PYGO1: variants seen among roughly 807,000 people sequenced by gnomAD.
PYGO1 encodes the protein pygopus family PHD finger 1.
PYGO1 carries 6 observed loss-of-function variants against 29.5 expected under a neutral mutation model. That is an observed-to-expected ratio of 0.20 (90% CI 0.11 to 0.40). The LOEUF is 0.40. Among genes scored for constraint, PYGO1 ranks in the 10% least tolerant of loss-of-function variants. The pLI, the probability that PYGO1 is intolerant of heterozygous loss-of-function variation, is 1.00. For missense variants in PYGO1, 515 were observed against 514.9 expected (o/e 1.00, Z 0.00); for synonymous variants, 186 against 180.5 (o/e 1.03, Z -0.24).
Position 55,540,467 on chromosome 15 carries a change from TG to T in PYGO1, c.*5555del, listed in dbSNP as rs2058824196. 1 of 152,030 alleles carries T rather than the reference TG, an allele frequency of 6.6e-6. No individual in the cohort carries two copies. Among genetic ancestry groups the T allele is most frequent in the Non-Finnish European group, 1.5e-5 (1 of 67,936 alleles). 9.4% of individuals were successfully genotyped at this position (152,030 alleles called of 1,614,324 possible). A position where few individuals can be genotyped will look rare whatever the true frequency, so the allele number is the denominator to read the frequency against. ...TTATTTAGTAAAGTATACCTGTAAG[TG>T]GAAAATAAAAATTTTAAGATTTATT... On this transcript the variant is annotated 3_prime_UTR_variant, in exon 3 of 3. Transcript: ENST00000563719.
chr15:55,560,271 T>C (rs2058927424), intron 1 of PYGO1, among the ~76,000 whole-genome samples: 1 of 152,096 alleles, frequency 6.6e-6, no homozygotes, highest in Non-Finnish European at 1.5e-5. Context: ...ACATGATATA[T>C]CTAGAAAACC....
At chr15:55,558,321 A>G (rs932250083) in intron 1 of PYGO1, among the ~76,000 whole-genome samples, 2 of 148,366 alleles carry the variant, frequency 1.3e-5, no homozygotes, top group African/African-American at 5.0e-5. Context: ...CAAGAACTAC[A>G]AACCACTGCT....
intron 1 of PYGO1, among the ~76,000 whole-genome samples, chr15:55,560,817 C>T (rs2058929688): frequency 6.6e-6 from 1 of 152,042 alleles, no homozygotes; most frequent in African/African-American, 2.4e-5. Context: ...CAAAAATTAG[C>T]CAGGCATGGT....
chr15:55,554,261 G>A (rs995060533), intron 1 of PYGO1, among the ~76,000 whole-genome samples: 2 of 151,914 alleles, frequency 1.3e-5, no homozygotes, highest in Non-Finnish European at 2.9e-5. Flanking sequence ...TCAGGAGATC[G>A]AGACCATCCT....
At position 55,588,127 on chromosome 15, in the gene PYGO1, G is replaced by C; in HGVS notation, c.-244C>G. The C allele has an allele frequency of 1.0e-5, 9 of 876,694 alleles. No individual in the cohort carries two copies. The highest frequency in any genetic ancestry group is 1.2e-5 in the Non-Finnish European group (9 of 732,918). The allele number at this position is 876,694 out of a possible 1,614,324, so 54.3% of individuals were successfully genotyped here. A position where few individuals can be genotyped will look rare whatever the true frequency, so the allele number is the denominator to read the frequency against. ...CGGCGGGGCTCAGCGGCGGTGGCCG[G>C]GAGCGCGGCCTGGGGGCGGCCCCCC... On this transcript the variant is annotated 5_prime_UTR_variant, in exon 1 of 3. Coordinates refer to ENST00000563719, the MANE Select transcript of PYGO1 (RefSeq NM_001367806.1).
rs567804971 is a variant in PYGO1, at chr15:55,573,547, G to C, written c.49+14288C>G. Among the ~76,000 whole-genome samples the C allele has an allele frequency of 2.6e-5, 4 of 152,250 alleles. No individual in the cohort carries two copies. In the South Asian group the frequency reaches 8.3e-4, roughly 32 times the overall value. On this transcript the variant is annotated intron_variant, in intron 1 of 2. Transcript: ENST00000563719. ...GAGAGTTATGTGCACTCCCATGTTT[G>C]TTACATTATTCACAAGAGCCAAGAC...
intron 1 of PYGO1, among the ~76,000 whole-genome samples, chr15:55,586,764 A>G (rs1303617328): frequency 1.3e-5 from 2 of 152,184 alleles, no homozygotes; most frequent in Admixed American, 6.5e-5. Context: ...TCTTTGCTCA[A>G]ACATTATCTA....
chr15:55,563,756 G>A (rs565734438), intron 1 of PYGO1, among the ~76,000 whole-genome samples: 8 of 152,070 alleles, frequency 5.3e-5, no homozygotes, highest in Non-Finnish European at 1.2e-4. Flanking sequence ...CCAGCCAAAG[G>A]TTTTGAACAG....
At chr15:55,579,013 T>A (rs928440678) in intron 1 of PYGO1, among the ~76,000 whole-genome samples, 1 of 152,200 alleles carries the variant, frequency 6.6e-6, no homozygotes, top group Non-Finnish European at 1.5e-5. Context: ...AAAGAACTTC[T>A]ATATTTTAAT....
chr15:55,557,175 C>A lies in PYGO1; in HGVS notation c.50-8180G>T, dbSNP rs1411693732. Among the ~76,000 whole-genome samples the A allele has an allele frequency of 2.0e-5, 3 of 152,212 alleles. No individual in the cohort carries two copies. The East Asian group carries it at 5.8e-4, about 29-fold the overall frequency. On this transcript the variant is annotated intron_variant, in intron 1 of 2. Coordinates refer to ENST00000563719, the MANE Select transcript of PYGO1 (RefSeq NM_001367806.1). ...ATAAAGGGGATATCACCACCGATCC[C>A]ACAGAAATACAAACTACCATGAGAG...
chr15:55,588,929 G>A (rs898164585), upstream of PYGO1: 1 of 1,245,958 alleles, frequency 8.0e-7, no homozygotes, highest in African/African-American at 1.5e-5. Context: ...CCTCCACTTG[G>A]TATTTTAACG....
At position 55,546,786 on chromosome 15, in the gene PYGO1, C is replaced by A; in HGVS notation, c.497G>T (p.Ser166Ile). 1 of 1,614,008 alleles carries A rather than the reference C, an allele frequency of 6.2e-7. No individual in the cohort carries two copies. Among genetic ancestry groups the A allele is most frequent in the South Asian group, 1.1e-5 (1 of 91,066 alleles). The change falls in exon 3 of 3, where the codon AGT (serine) becomes ATT (isoleucine). Residue 166 changes from serine (S) to isoleucine (I), a missense_variant. Transcript: ENST00000563719. ...TTGATTAGGCATGTTGACATTCTGA[C>A]TTAGTGCATTATTATAAGATGGATT... is the stretch of plus-strand genomic sequence containing the variant. ...FGNPSYNNALSQNVNMPNQHF... is the reference protein window; with the variant it reads ...FGNPSYNNALIQNVNMPNQHF...
At chr15:55,577,761 TCTA>T (rs1331964693) in intron 1 of PYGO1, among the ~76,000 whole-genome samples, 4 of 140,026 alleles carry the variant, frequency 2.9e-5, no homozygotes, top group Non-Finnish European at 4.6e-5. Flanking sequence ...CAATTACTAA[TCTA>T]CTTTTTTTTT....
chr15:55,558,909 A>G (rs1359285648), intron 1 of PYGO1, among the ~76,000 whole-genome samples: 1 of 151,976 alleles, frequency 6.6e-6, no homozygotes, highest in East Asian at 1.9e-4. Flanking sequence ...AATACCATTC[A>G]GGACATAGGC....
chr15:55,565,270 C>T (rs1047270343), intron 1 of PYGO1, among the ~76,000 whole-genome samples: 1 of 151,870 alleles, frequency 6.6e-6, no homozygotes, highest in Non-Finnish European at 1.5e-5. Flanking sequence ...TAGAATTCTG[C>T]CCCTACATAA....
intron 1 of PYGO1, among the ~76,000 whole-genome samples, chr15:55,578,254 A>G (rs1000319618): frequency 6.6e-6 from 1 of 152,052 alleles, no homozygotes; most frequent in African/African-American, 2.4e-5. Flanking sequence ...GCTGATGGAC[A>G]TTTCGGTTAT....
At chr15:55,587,701 C>T (rs1297374161) in intron 1 of PYGO1, 134 bp downstream of exon 1, 1 of 1,184,340 alleles carries the variant, frequency 8.4e-7, no homozygotes, top group Non-Finnish European at 1.0e-6. Flanking sequence ...AGCCTCGGCC[C>T]CGGGGTGCCG....
At position 55,542,924 on chromosome 15, in the gene PYGO1, C is replaced by CAAAAA. The variant is rs899224010; in HGVS notation, c.*3094_*3098dup. 12 of 145,994 alleles carry CAAAAA rather than the reference C, an allele frequency of 8.2e-5. No homozygotes were observed. Among genetic ancestry groups the CAAAAA allele is most frequent in the African/African-American group, 2.8e-4 (11 of 39,812 alleles). 9.0% of individuals were successfully genotyped at this position (145,994 alleles called of 1,614,324 possible). A position where few individuals can be genotyped will look rare whatever the true frequency, so the allele number is the denominator to read the frequency against. On this transcript the variant is annotated 3_prime_UTR_variant, in exon 3 of 3. Coordinates refer to ENST00000563719, the MANE Select transcript of PYGO1 (RefSeq NM_001367806.1). ...AGCCTGGGCAACAGAGCAAGACTGG[C>CAAAAA]AAAAAACAAAAACAAAACAAAACAA...
chr15:55,578,160 G>C (rs567557726), intron 1 of PYGO1, among the ~76,000 whole-genome samples: 1 of 152,024 alleles, frequency 6.6e-6, no homozygotes, highest in African/African-American at 2.4e-5. Flanking sequence ...CCATGTTGTA[G>C]TATGTATCAG....
Sources: allele counts gnomAD v4.1 joint callset (sites outside exome capture counted in the v4.1 genomes callset), GRCh38; gene constraint gnomAD v4.1.1; transcripts MANE v1.5; gene names NCBI Gene and HGNC (gene_info 2026-07-23, HGNC 2026-07-21).